The following ZFYVE28 variants were observed in gnomAD, a reference collection of about 807,000 sequenced individuals.
The protein encoded by ZFYVE28 is zinc finger FYVE-type containing 28.
ZFYVE28 carries 40 observed loss-of-function variants against 82.1 expected under a neutral mutation model. The ratio of observed to expected loss-of-function variants is 0.49; its 90% CI spans 0.38 to 0.63. The LOEUF (loss-of-function observed/expected upper bound fraction) is 0.63, where lower values mean the gene tolerates loss of function less well. Among genes scored for constraint, ZFYVE28 ranks in the 30% least tolerant of loss-of-function variants. The probability of loss-of-function intolerance (pLI) is 0.00; values close to 1 mark genes in which losing one functional copy is unlikely to be tolerated. For missense variants in ZFYVE28, 1,321 were observed against 1,242.1 expected (o/e 1.06, Z -0.96); for synonymous variants, 612 against 546.1 (o/e 1.12, Z -1.68).
At chr4:2,338,953 T>C (rs1407729650) in intron 4 of ZFYVE28, among the ~76,000 whole-genome samples, 2 of 151,776 alleles carry the variant, frequency 1.3e-5, no homozygotes, top group African/African-American at 4.8e-5. Context: ...GCTTCCTGAG[T>C]GGCGCGCCAC....
chr4:2,342,798 A>C (rs1200284333), intron 2 of ZFYVE28: 1 of 151,988 alleles, frequency 6.6e-6, no homozygotes, highest in Non-Finnish European at 1.5e-5. Flanking sequence ...TAATTTGTTA[A>C]ATATGAAATC....
rs952177530 is a variant in ZFYVE28, at chr4:2,339,390, G to A, written c.521+63C>T. 1.8e-5 allele frequency: 28 copies of A among 1,547,578 alleles called. No homozygotes were observed. The highest frequency in any genetic ancestry group is 8.4e-5 in the South Asian group (7 of 83,522). On this transcript the variant is annotated intron_variant, in intron 4 of 12. Coordinates refer to ENST00000290974, the MANE Select transcript of ZFYVE28 (RefSeq NM_020972.3). This position sits in a 1 kb window ranked among gnomAD's most constrained non-coding sequence, Gnocchi z 5.0. ...AGCTTGAAGTATCAGGGTGAGCCCC[G>A]GAAGCTGGCACAACCGTCCCCCAGC... is the stretch of plus-strand genomic sequence containing the variant.
chr4:2,340,656 G>A (rs561088110), intron 3 of ZFYVE28, among the ~76,000 whole-genome samples: 22 of 152,182 alleles, frequency 1.4e-4, no homozygotes, highest in Non-Finnish European at 2.5e-4. Flanking sequence ...CACAGAACAC[G>A]CTCCATCTCA....
intron 1 of ZFYVE28, chr4:2,406,742 C>A (rs879312778): frequency 1.3e-5 from 2 of 152,268 alleles, no homozygotes; most frequent in Non-Finnish European, 2.9e-5. Flanking sequence ...CCCTGTGATG[C>A]CTGACTTACG....
intron 1 of ZFYVE28, among the ~76,000 whole-genome samples, chr4:2,370,938 CT>C (rs1267413830): frequency 1.3e-5 from 2 of 152,240 alleles, no homozygotes; most frequent in African/African-American, 2.4e-5. Flanking sequence ...GGTGCTTCCA[CT>C]GAGAAGACAC....
chr4:2,358,528 A>G (rs751712280), intron 1 of ZFYVE28, among the ~76,000 whole-genome samples: 13 of 152,188 alleles, frequency 8.5e-5, no homozygotes, highest in Non-Finnish European at 1.5e-4. Flanking sequence ...CCACCTGCAG[A>G]AGGCAGCCTG....
rs373919263 is a variant in ZFYVE28, at chr4:2,335,665, G to A, written c.701+40C>T. ...TGGCACCATCAGCCCTGCCCGTCCC[G>A]CAGGTTTCTGCAGAGGTCCTGGGCA... On this transcript the variant is annotated intron_variant, in intron 6 of 12. Transcript: ENST00000290974. This position sits in a 1 kb window ranked among gnomAD's most constrained non-coding sequence, Gnocchi z 5.8. 2.9e-4 allele frequency: 449 copies of A among 1,542,398 alleles called. No individual in the cohort carries two copies. Among genetic ancestry groups the A allele is most frequent in the Admixed American group, 8.6e-4 (44 of 51,114 alleles).
intron 6 of ZFYVE28, among the ~76,000 whole-genome samples, chr4:2,331,243 G>C (rs918588247): frequency 6.6e-6 from 1 of 152,086 alleles, no homozygotes; most frequent in African/African-American, 2.4e-5. Context: ...GAGTGCAGAC[G>C]GGCGAAGCCG....
intron 6 of ZFYVE28, among the ~76,000 whole-genome samples, chr4:2,333,249 C>A (rs1210552797): frequency 2.6e-5 from 3 of 115,478 alleles, no homozygotes; most frequent in Non-Finnish European, 3.8e-5. Flanking sequence ...CCTGACCCCC[C>A]ACACTCCCCC....
intron 1 of ZFYVE28, among the ~76,000 whole-genome samples, chr4:2,400,497 G>T (rs1275725905): frequency 6.6e-6 from 1 of 152,076 alleles, no homozygotes; most frequent in Non-Finnish European, 1.5e-5. Context: ...GAGGCCCCCA[G>T]ACATCCCGGT....
chr4:2,380,320 C>G (rs1728601222), intron 1 of ZFYVE28, among the ~76,000 whole-genome samples: 1 of 152,152 alleles, frequency 6.6e-6, no homozygotes, highest in African/African-American at 2.4e-5. Context: ...AGGTAAGTGC[C>G]AAGAAACCTG....
chr4:2,373,043 G>C (rs1221564879), intron 1 of ZFYVE28, among the ~76,000 whole-genome samples: 1 of 152,090 alleles, frequency 6.6e-6, no homozygotes, highest in Admixed American at 6.6e-5. Flanking sequence ...CCCACCACAG[G>C]GACAGAAGGC....
Position 2,339,727 on chromosome 4 carries a change from A to G in ZFYVE28, c.319-72T>C. 6.9e-7 allele frequency: 1 copy of G among 1,439,294 alleles called. No individual in the cohort carries two copies. The highest frequency in any genetic ancestry group is 9.3e-7 in the Non-Finnish European group (1 of 1,076,912). The allele number at this position is 1,439,294 out of a possible 1,614,324, so 89.2% of individuals were successfully genotyped here. A position where few individuals can be genotyped will look rare whatever the true frequency, so the allele number is the denominator to read the frequency against. On this transcript the variant is annotated intron_variant, in intron 3 of 12. Transcript: ENST00000290974. This position sits in a 1 kb window ranked among gnomAD's most constrained non-coding sequence, Gnocchi z 5.0. ...CTCTCAGGGGTCGCCGACCCGGGGAACCTGACTGCGCACCTCGGGGCCCCT... is the reference window on the plus strand; with the variant it reads ...CTCTCAGGGGTCGCCGACCCGGGGAGCCTGACTGCGCACCTCGGGGCCCCT...
intron 1 of ZFYVE28, among the ~76,000 whole-genome samples, chr4:2,367,959 C>G (rs982770714): frequency 1.3e-5 from 2 of 152,168 alleles, no homozygotes; most frequent in East Asian, 3.9e-4. Context: ...GCGTGCCAGT[C>G]GCGGCAGGTC....
rs187359182 is a variant in ZFYVE28, at chr4:2,337,672, A to G, written c.522-176T>C. Among the ~76,000 whole-genome samples the G allele has an allele frequency of 2.5e-3, 379 of 152,190 alleles. 5 individuals are homozygous for G. Among genetic ancestry groups the G allele is most frequent in the African/African-American group, 8.7e-3 (361 of 41,520 alleles). ...TGAGGTGGGAGGATGGCTTGAGCCC[A>G]GGAGTTCGAGGCACCACAGCAAGAC... On this transcript the variant is annotated intron_variant, in intron 4 of 12. Transcript: ENST00000290974.
At position 2,394,566 on chromosome 4, in the gene ZFYVE28, G is replaced by C. The variant is rs6814736; in HGVS notation, c.39+23719C>G. On this transcript the variant is annotated intron_variant, in intron 1 of 12. Transcript: ENST00000290974. This position sits in a 1 kb window ranked among gnomAD's most constrained non-coding sequence, Gnocchi z 4.0. Reference sequence around the variant, plus strand: ...AGGGTCATGAACCACAAGTTATGATGGCTCCAGCTGTGTGCACATAAGGTC... The same window carrying C: ...AGGGTCATGAACCACAAGTTATGATCGCTCCAGCTGTGTGCACATAAGGTC... Among the ~76,000 whole-genome samples the C allele has an allele frequency of 0.13, 19,503 of 152,182 alleles. 1,434 individuals are homozygous for C. Among genetic ancestry groups the C allele is most frequent in the African/African-American group, 0.19 (7,897 of 41,494 alleles).
chr4:2,414,469 T>G (rs780509082), intron 1 of ZFYVE28, among the ~76,000 whole-genome samples: 3 of 152,226 alleles, frequency 2.0e-5, no homozygotes, highest in Non-Finnish European at 4.4e-5. Context: ...TTATAAGGAA[T>G]GTTCTCCTAC....
In ZFYVE28 at chr4:2,305,237, G is replaced by A. The variant is rs774213448; in HGVS notation, c.1103C>T (p.Ser368Phe). The A allele has an allele frequency of 6.2e-7, 1 of 1,611,322 alleles. No homozygotes were observed. The highest frequency in any genetic ancestry group is 1.3e-5 in the African/African-American group (1 of 74,930). The change falls in exon 8 of 13, where the codon TCC (serine) becomes TTC (phenylalanine). Residue 368 changes from serine to phenylalanine, a missense_variant. Physicochemically the swap from Ser to Phe is radical, Grantham distance 155. Around this residue, in one of 2 missense-constraint regions of ZFYVE28, gnomAD observed 978 missense variants for 833.7 expected, o/e 1.17. Transcript: ENST00000290974. ...CTCCGCTCCTGGCCTGTGAGCTGGG[G>A]ACTGGCAGGCAATGGGCGGTGAAAG... Reference protein sequence around the residue: ...SLLSPPIACQSPAHRPGAEGS... With the variant: ...SLLSPPIACQFPAHRPGAEGS...
At chr4:2,284,496 A>G (rs140238614) in intron 8 of ZFYVE28, among the ~76,000 whole-genome samples, 1 of 152,296 alleles carries the variant, frequency 6.6e-6, no homozygotes, top group Non-Finnish European at 1.5e-5. Flanking sequence ...AATGAGATGG[A>G]GAGGACCTCA....
Sources: gnomAD v4.1 joint callset for allele counts (sites outside exome capture counted in the v4.1 genomes callset) on GRCh38, gnomAD v4.1.1 for gene constraint, gnomAD v4.1.1 regional missense constraint, Gnocchi (gnomAD v3.1) non-coding constraint, MANE v1.5 for transcripts, NCBI Gene and HGNC (gene_info 2026-07-23, HGNC 2026-07-21) for gene names.